The following ENTPD1 variants were observed in gnomAD, a reference collection of about 807,000 sequenced individuals.
ENTPD1 encodes the protein ectonucleoside triphosphate diphosphohydrolase 1.
Under a neutral mutation model 57.0 loss-of-function variants are expected in ENTPD1, and 33 were observed. That is an observed-to-expected ratio of 0.58 (90% CI 0.44 to 0.77). The LOEUF is 0.77. Ranked by LOEUF, ENTPD1 falls within the 30% of genes least tolerant of loss-of-function variation. The pLI, the probability that ENTPD1 is intolerant of heterozygous loss-of-function variation, is 0.00. For missense variants in ENTPD1, 501 were observed against 603.4 expected, an observed-to-expected ratio of 0.83 and a Z score of 1.78; for synonymous variants, 202 against 218.8, an observed-to-expected ratio of 0.92 and a Z score of 0.68.
At position 95,756,197 on chromosome 10, in the gene ENTPD1, G is replaced by C. The variant is rs374349051; in HGVS notation, c.-43G>C. ...GACCACAGCAAGCAGAGGCTGGGGG[G>C]GGGAAAGACGAGGAAAGAGGAGGAA... is the stretch of plus-strand genomic sequence containing the variant. On this transcript the variant is annotated 5_prime_UTR_variant, in exon 1 of 10. Transcript: ENST00000371205. 187 of 1,581,174 alleles carry C rather than the reference G, an allele frequency of 1.2e-4. 1 individual carries two copies. In the South Asian group the frequency reaches 1.8e-3, roughly 15 times the overall value.
intron 7 of ENTPD1, 36 bp downstream of exon 7, chr10:95,847,742 G>C (rs767696189): frequency 6.2e-7 from 1 of 1,613,706 alleles, no homozygotes; most frequent in Non-Finnish European, 8.5e-7. Context: ...AGGATGTCTT[G>C]TTTACAAGTT....
At chr10:95,705,346 A>G in the ENTPD1 span, among the ~76,000 whole-genome samples, 2 of 152,166 alleles carry the variant, frequency 1.3e-5, no homozygotes, top group African/African-American at 2.4e-5. Flanking sequence ...CAACATTTAT[A>G]GCAGCATGAT....
chr10:95,755,753 G>T (rs937384083), upstream of ENTPD1: 1 of 1,536,962 alleles, frequency 6.5e-7, no homozygotes, highest in African/African-American at 1.4e-5. Flanking sequence ...TCAGTTTTTC[G>T]AGCGGGTTTC....
rs1410712146 is a variant in ENTPD1, at chr10:95,866,252, T to C, written c.1402T>C (p.Leu468=). The change falls in exon 10 of 10, where the codon TTG becomes CTG. Residue 468 remains leucine, a synonymous_variant. Transcript: ENST00000371205. The stretch of plus-strand genomic sequence containing the variant: ...CAACATGATCCCAGCTGAGCAACCA[T>C]TGTCCACACCTCTCTCCCACTCCAC... ...LTNMIPAEQP[L]STPLSHSTYV... is the part of the protein sequence containing the mutation. 1.9e-6 allele frequency: 3 copies of C among 1,614,004 alleles called. No homozygotes were observed. Among genetic ancestry groups the C allele is most frequent in the South Asian group, 1.1e-5 (1 of 91,084 alleles).
intron 2 of ENTPD1, among the ~76,000 whole-genome samples, chr10:95,826,634 A>G (rs1480944892): frequency 1.3e-5 from 2 of 152,046 alleles, no homozygotes; most frequent in Admixed American, 6.6e-5. Flanking sequence ...TCCTGAAACA[A>G]GAAGGAGTTG....
rs1179961192 is a variant in ENTPD1 at position 95,868,856 on chromosome 10, G to T, written c.*2473G>T. Reference sequence around the variant, plus strand: ...TACGTCCAATCTCCCCCTCCCCAGAGATGCCAAAAAAAAAATCCTTTAAGG... The same window carrying T: ...TACGTCCAATCTCCCCCTCCCCAGATATGCCAAAAAAAAAATCCTTTAAGG... On this transcript the variant is annotated 3_prime_UTR_variant, in exon 10 of 10. Coordinates refer to ENST00000371205, the MANE Select transcript of ENTPD1 (RefSeq NM_001776.6). 1.0e-6 allele frequency: 1 copy of T among 984,564 alleles called. No individual in the cohort carries two copies. 61.0% of individuals were successfully genotyped at this position (984,564 alleles called of 1,614,324 possible). A position where few individuals can be genotyped will look rare whatever the true frequency, so the allele number is the denominator to read the frequency against.
chr10:95,792,402 A>T (rs2098208539), intron 1 of ENTPD1, among the ~76,000 whole-genome samples: 1 of 152,258 alleles, frequency 6.6e-6, no homozygotes, highest in Non-Finnish European at 1.5e-5. Flanking sequence ...GACCAGAGGC[A>T]GCAGGCTTTC....
intron 6 of ENTPD1, among the ~76,000 whole-genome samples, chr10:95,847,209 T>TGGGC (rs2098437452): frequency 6.6e-6 from 1 of 152,148 alleles, no homozygotes; most frequent in African/African-American, 2.4e-5. Flanking sequence ...CAGTTTTAAC[T>TGGGC]ACATCAGCAT....
intron 1 of ENTPD1, among the ~76,000 whole-genome samples, chr10:95,742,133 C>A (rs925461881): frequency 7.2e-5 from 11 of 152,180 alleles, no homozygotes; most frequent in African/African-American, 2.4e-4. Context: ...TCAAAACTTT[C>A]CACTGACTCT....
chr10:95,867,016 A>G lies in ENTPD1; in HGVS notation c.*633A>G. The G allele has an allele frequency of 1.0e-6, 1 of 992,880 alleles. No individual in the cohort carries two copies. Among genetic ancestry groups the G allele is most frequent in the Non-Finnish European group, 1.2e-6 (1 of 833,980 alleles). The allele number at this position is 992,880 out of a possible 1,614,324, so 61.5% of individuals were successfully genotyped here. A position where few individuals can be genotyped will look rare whatever the true frequency, so the allele number is the denominator to read the frequency against. On this transcript the variant is annotated 3_prime_UTR_variant, in exon 10 of 10. Coordinates refer to ENST00000371205, the MANE Select transcript of ENTPD1 (RefSeq NM_001776.6). ...CAAAGCAGGTATGTCAATAAATCAC[A>G]TATTCCTAGGTGATACCCAAATGCT...
chr10:95,876,260 C>G lies in ENTPD1; in HGVS notation c.*9877C>G. 1 of 977,906 alleles carries G rather than the reference C, an allele frequency of 1.0e-6. No homozygotes were observed. The highest frequency in any genetic ancestry group is 1.7e-5 in the African/African-American group (1 of 57,172). The allele number at this position is 977,906 out of a possible 1,614,324, so 60.6% of individuals were successfully genotyped here. ...GTAGATTGCTAATTTTATAATAACA[C>G]AAGTTGATTTTGACATCCAACTTAT... On this transcript the variant is annotated 3_prime_UTR_variant, in exon 10 of 10. Transcript: ENST00000371205.
Position 95,860,874 on chromosome 10 carries a change from G to C in ENTPD1, c.1188+292G>C, listed in dbSNP as rs375161777. Among the ~76,000 whole-genome samples, 35 of 152,348 alleles carry C rather than the reference G, an allele frequency of 2.3e-4. No homozygotes were observed. In the East Asian group the frequency reaches 3.5e-3, roughly 15 times the overall value. ...CTCTATCTCAGCCATTGCTTCTTCA[G>C]CTCTGCTGTTGTGCCTGTTTCTTCA... On this transcript the variant is annotated intron_variant, in intron 8 of 9. Coordinates refer to ENST00000371205, the MANE Select transcript of ENTPD1 (RefSeq NM_001776.6).
chr10:95,809,411 G>A lies in ENTPD1; in HGVS notation c.17-13826G>A, dbSNP rs189671561. Among the ~76,000 whole-genome samples the A allele has an allele frequency of 8.4e-4, 125 of 149,210 alleles. 2 individuals carry two copies. In the East Asian group the frequency reaches 0.012, roughly 15 times the overall value. On this transcript the variant is annotated intron_variant, in intron 1 of 9. Coordinates refer to ENST00000371205, the MANE Select transcript of ENTPD1 (RefSeq NM_001776.6). ...CCCCCACCCCCCAGACGGGGAGGCC[G>A]GGCAGAGGCGTCCCCCACCTCCCAG...
intron 1 of ENTPD1, among the ~76,000 whole-genome samples, chr10:95,780,119 T>C (rs989245136): frequency 8.5e-5 from 13 of 152,218 alleles, no homozygotes; most frequent in African/African-American, 3.1e-4. Context: ...TCTGCTGAGG[T>C]GTATTGCATA....
At chr10:95,731,578 G>A (rs115648008) in intron 1 of ENTPD1, among the ~76,000 whole-genome samples, 204 of 152,210 alleles carry the variant, frequency 1.3e-3, no homozygotes, top group African/African-American at 4.8e-3. Context: ...TTTCTCCAGG[G>A]AACACCCCTT....
intron 2 of ENTPD1, among the ~76,000 whole-genome samples, chr10:95,824,669 T>A (rs1004270025): frequency 1.3e-5 from 2 of 152,230 alleles, no homozygotes; most frequent in East Asian, 3.8e-4. Context: ...ACATGTTCAG[T>A]ATTGCATCAT....
intron 1 of ENTPD1, among the ~76,000 whole-genome samples, chr10:95,733,858 A>G (rs2097991804): frequency 6.6e-6 from 1 of 152,222 alleles, no homozygotes; most frequent in Admixed American, 6.5e-5. Flanking sequence ...AAAATTATGC[A>G]AGCTTCCCTA....
chr10:95,781,455 G>A (rs2098157619), intron 1 of ENTPD1, among the ~76,000 whole-genome samples: 1 of 152,114 alleles, frequency 6.6e-6, no homozygotes, highest in African/African-American at 2.4e-5. Context: ...TAATTGGATT[G>A]TAACACAAAA....
Position 95,866,601 on chromosome 10 carries a change from T to C in ENTPD1, c.*218T>C, listed in dbSNP as rs1190191240. 6 of 1,405,652 alleles carry C rather than the reference T, an allele frequency of 4.3e-6. No individual in the cohort carries two copies. The African/African-American group carries it at 8.7e-5, about 20-fold the overall frequency. 87.1% of individuals were successfully genotyped at this position (1,405,652 alleles called of 1,614,324 possible). A position where few individuals can be genotyped will look rare whatever the true frequency, so the allele number is the denominator to read the frequency against. Reference sequence around the variant, plus strand: ...AGATACTGTCTCTTTCATGAGTTTTTCCCAGCTACACCTTTCTCCTTTGTA... The same window carrying C: ...AGATACTGTCTCTTTCATGAGTTTTCCCCAGCTACACCTTTCTCCTTTGTA... On this transcript the variant is annotated 3_prime_UTR_variant, in exon 10 of 10. Transcript: ENST00000371205.
Sources: allele counts gnomAD v4.1 joint callset (sites outside exome capture counted in the v4.1 genomes callset), GRCh38; gene constraint gnomAD v4.1.1; transcripts MANE v1.5; gene names NCBI Gene and HGNC (gene_info 2026-07-23, HGNC 2026-07-21).